Variants in SKP2 observed in about 807,000 individuals in gnomAD.
The protein encoded by SKP2 is S-phase kinase associated protein 2.
A neutral mutation model predicts 51.8 loss-of-function variants in SKP2; 16 were observed. The observed-to-expected ratio is 0.31, with a 90% CI of 0.21 to 0.47. SKP2 has a LOEUF of 0.47. Ranked by LOEUF, SKP2 falls within the 20% of genes least tolerant of loss-of-function variation. The pLI is 1.00. For missense variants in SKP2, 377 were observed against 505.3 expected, an observed-to-expected ratio of 0.75 and a Z score of 2.43; for synonymous variants, 176 against 198.6, an observed-to-expected ratio of 0.89 and a Z score of 0.96.
intron 3 of SKP2, among the ~76,000 whole-genome samples, chr5:36,164,241 G>T (rs1745216410): frequency 6.6e-6 from 1 of 152,180 alleles, no homozygotes; most frequent in Non-Finnish European, 1.5e-5. Context: ...GGGGATAATG[G>T]TTATGAGGAG....
intron 2 of SKP2, among the ~76,000 whole-genome samples, chr5:36,154,248 T>TA (rs1744867068): frequency 6.6e-6 from 1 of 151,656 alleles, no homozygotes; most frequent in South Asian, 2.1e-4. Flanking sequence ...AGCAAAGACA[T>TA]AAAGGAGGCA....
chr5:36,169,684 C>T (rs1041148527), intron 5 of SKP2, among the ~76,000 whole-genome samples: 2 of 152,086 alleles, frequency 1.3e-5, no homozygotes, highest in Admixed American at 1.3e-4. Flanking sequence ...GTATTATGTG[C>T]CAGATAGTGA....
At chr5:36,161,033 G>C (rs546065408) in intron 2 of SKP2, among the ~76,000 whole-genome samples, 1 of 152,028 alleles carries the variant, frequency 6.6e-6, no homozygotes, top group Non-Finnish European at 1.5e-5. Context: ...CTCCAGAAAG[G>C]CTTCCCTAAC....
At position 36,176,013 on chromosome 5, in the gene SKP2, G is replaced by A. The variant is rs919588005; in HGVS notation, c.902-952G>A. 6.6e-5 allele frequency among the ~76,000 whole-genome samples: 10 copies of A among 151,260 alleles called. No individual in the cohort carries two copies. The East Asian group carries it at 1.4e-3, about 21-fold the overall frequency. On this transcript the variant is annotated intron_variant, in intron 7 of 9. Transcript: ENST00000274255. ...GGAATCAGTTCACTATCCAAAAAAC[G>A]CAGGGTTCAGGCTCCTGAAAGCCTG...
chr5:36,180,511 G>GTATAT (rs1351957835), intron 9 of SKP2, among the ~76,000 whole-genome samples: 1 of 152,012 alleles, frequency 6.6e-6, no homozygotes, highest in East Asian at 1.9e-4. Context: ...CTCAGCTAAC[G>GTATAT]TATATTAAAC....
intron 3 of SKP2, among the ~76,000 whole-genome samples, chr5:36,166,115 CAA>C: frequency 6.6e-6 from 1 of 152,228 alleles, no homozygotes; most frequent in African/African-American, 2.4e-5. Context: ...AATTGCTTGA[CAA>C]AAGTGTCAAA....
chr5:36,174,885 A>G (rs1561539224), intron 7 of SKP2, among the ~76,000 whole-genome samples: 1 of 152,148 alleles, frequency 6.6e-6, no homozygotes, highest in Non-Finnish European at 1.5e-5. Context: ...CCAATGTGTG[A>G]GAGGGAGCAG....
intron 2 of SKP2, among the ~76,000 whole-genome samples, chr5:36,154,872 G>C (rs956733463): frequency 1.3e-5 from 2 of 152,140 alleles, no homozygotes; most frequent in African/African-American, 4.8e-5. Flanking sequence ...GGTGAGGGTG[G>C]TCAGATTCCG....
At chr5:36,188,009 C>CT (rs775102721), downstream of SKP2, among the ~76,000 whole-genome samples, 2 of 151,318 alleles carry the variant, frequency 1.3e-5, no homozygotes, top group Non-Finnish European at 2.9e-5. Flanking sequence ...CTCTTTTGAT[C>CT]TTTGTTGGTT....
intron 7 of SKP2, among the ~76,000 whole-genome samples, chr5:36,172,316 A>G (rs1315789995): frequency 6.6e-6 from 1 of 152,204 alleles, no homozygotes; most frequent in African/African-American, 2.4e-5. Flanking sequence ...CTTTTTATTC[A>G]GTCCAAGAGG....
intron 7 of SKP2, among the ~76,000 whole-genome samples, chr5:36,175,041 C>T (rs530310469): frequency 3.9e-5 from 6 of 152,174 alleles, no homozygotes; most frequent in South Asian, 4.1e-4. Flanking sequence ...AAAAGACTCA[C>T]GCTAGTGCTG....
At chr5:36,188,137 G>T (rs1745973457), downstream of SKP2, among the ~76,000 whole-genome samples, 1 of 152,152 alleles carries the variant, frequency 6.6e-6, no homozygotes, top group East Asian at 1.9e-4. Flanking sequence ...CTGCACGTGA[G>T]ATGGGTCTCC....
rs1280387923 is a variant in SKP2 at position 36,152,650 on chromosome 5, C to A, written c.9-121C>A. ...ACTCGCCGCAGGCACATAAAAAATGCGATTCTGTTAGCTGCTGTGAAGGTT... is the reference window on the plus strand; with the variant it reads ...ACTCGCCGCAGGCACATAAAAAATGAGATTCTGTTAGCTGCTGTGAAGGTT... On this transcript the variant is annotated intron_variant, in intron 1 of 9. Transcript: ENST00000274255. The A allele has an allele frequency of 1.0e-5, 11 of 1,053,808 alleles. No homozygotes were observed. In the Admixed American group the frequency reaches 2.4e-4, roughly 23 times the overall value. The allele number at this position is 1,053,808 out of a possible 1,614,324, so 65.3% of individuals were successfully genotyped here. A position where few individuals can be genotyped will look rare whatever the true frequency, so the allele number is the denominator to read the frequency against.
At chr5:36,152,306 G>T (rs746867687) in intron 1 of SKP2, 36 bp downstream of exon 1, 2 of 1,598,274 alleles carry the variant, frequency 1.3e-6, no homozygotes, top group East Asian at 2.2e-5. Context: ...AGCATGAAAT[G>T]GACCCTCTTA....
intron 9 of SKP2, 69 bp from the exon 10 acceptor site, chr5:36,181,749 G>T: frequency 6.4e-7 from 1 of 1,551,248 alleles, no homozygotes. Flanking sequence ...TAAAATTTGG[G>T]TCATATAACT....
chr5:36,153,696 A>G (rs1382376046), intron 2 of SKP2, among the ~76,000 whole-genome samples: 2 of 152,084 alleles, frequency 1.3e-5, no homozygotes, highest in African/African-American at 2.4e-5. Flanking sequence ...TGCCTGAACT[A>G]TTGGAGTGGA....
intron 2 of SKP2, among the ~76,000 whole-genome samples, chr5:36,159,523 G>GA (rs1745059419): frequency 6.6e-6 from 1 of 151,956 alleles, no homozygotes; most frequent in East Asian, 1.9e-4. Flanking sequence ...GTGTAGATGA[G>GA]ATTCCATGCC....
In SKP2 at chr5:36,182,142, TCTGCAAGTATA is replaced by T; in HGVS notation, c.*114_*124del. On this transcript the variant is annotated 3_prime_UTR_variant, in exon 10 of 10. Coordinates refer to ENST00000274255, the MANE Select transcript of SKP2 (RefSeq NM_005983.4). ...TTCTTGGTTTTCCCTTTGCCTTCAT[TCTGCAAGTATA>T]CTAGGGAGCCATTTGAGAGGGAAAA... 2 of 1,482,102 alleles carry T rather than the reference TCTGCAAGTATA, an allele frequency of 1.3e-6. No individual in the cohort carries two copies. The highest frequency in any genetic ancestry group is 1.8e-6 in the Non-Finnish European group (2 of 1,117,226). 91.8% of individuals were successfully genotyped at this position (1,482,102 alleles called of 1,614,324 possible).
At chr5:36,168,827 CTATT>C (rs1745378967) in intron 5 of SKP2, among the ~76,000 whole-genome samples, 1 of 152,166 alleles carries the variant, frequency 6.6e-6, no homozygotes, top group Admixed American at 6.5e-5. Flanking sequence ...AGAAGGTAAA[CTATT>C]TATGAGCAAG....
Sources: allele counts gnomAD v4.1 joint callset (sites outside exome capture counted in the v4.1 genomes callset), GRCh38; gene constraint gnomAD v4.1.1; transcripts MANE v1.5; gene names NCBI Gene and HGNC (gene_info 2026-07-23, HGNC 2026-07-21).